The following RBFOX1 variants were observed in gnomAD, a reference collection of about 807,000 sequenced individuals.
The protein encoded by RBFOX1 is RNA binding fox-1 homolog 1.
Under a neutral mutation model 57.7 loss-of-function variants are expected in RBFOX1, and 8 were observed. The observed-to-expected ratio is 0.14, with a 90% confidence interval of 0.08 to 0.25. The LOEUF (loss-of-function observed/expected upper bound fraction) is 0.25. Among genes scored for constraint, RBFOX1 ranks in the 10% least tolerant of loss-of-function variants. The probability of loss-of-function intolerance (pLI) is 1.00; values close to 1 mark genes in which losing one functional copy is unlikely to be tolerated. For missense variants in RBFOX1, 611 were observed against 548.5 expected (o/e 1.11, Z -1.14); for synonymous variants, 326 against 222.4 (o/e 1.47, Z -4.15).
chr16:6,527,726 T>A (rs4786879), intron 2 of RBFOX1, among the ~76,000 whole-genome samples: 151,579 of 152,218 alleles, frequency 1, 75,473 homozygotes, highest in Middle Eastern at 1. Context: ...CCTGAAATCG[T>A]TGACCCTAAA....
chr16:7,630,475 C>G, intron 10 of RBFOX1, 128 bp from the exon 11 acceptor site: 3 of 1,526,058 alleles, frequency 2.0e-6, no homozygotes, highest in Non-Finnish European at 2.6e-6. Context: ...TGTTGGGTAC[C>G]CTTGTCCTGC....
chr16:6,512,648 G>A (rs954044453), intron 2 of RBFOX1, among the ~76,000 whole-genome samples: 2 of 152,156 alleles, frequency 1.3e-5, no homozygotes, highest in Non-Finnish European at 2.9e-5. Context: ...AAGAAAATGG[G>A]AATATCTGTG....
chr16:6,944,959 G>T lies in RBFOX1; in HGVS notation c.-15-107098G>T, dbSNP rs149876887. Among the ~76,000 whole-genome samples the T allele has an allele frequency of 5.2e-3, 795 of 152,246 alleles. 8 individuals carry two copies. The highest frequency in any genetic ancestry group is 0.018 in the African/African-American group (768 of 41,536). Reference sequence around the variant, plus strand: ...ACAGTCTGAAAAGTGGCTGACTGCTGTATGGAGTACTCTTTGCTCCTCCTG... The same window carrying T: ...ACAGTCTGAAAAGTGGCTGACTGCTTTATGGAGTACTCTTTGCTCCTCCTG... On this transcript the variant is annotated intron_variant, in intron 3 of 15. Transcript: ENST00000550418.
At chr16:7,257,605 C>T (rs554975570) in intron 4 of RBFOX1, among the ~76,000 whole-genome samples, 62 of 152,276 alleles carry the variant, frequency 4.1e-4, no homozygotes, top group African/African-American at 1.5e-3. Flanking sequence ...CTACCAAGAG[C>T]CCCTTCCCGA....
chr16:7,193,051 G>A (rs886271904), intron 4 of RBFOX1, among the ~76,000 whole-genome samples: 3 of 152,202 alleles, frequency 2.0e-5, no homozygotes, highest in Non-Finnish European at 4.4e-5. Flanking sequence ...TGGAACCTGT[G>A]AGCATGTTGG....
chr16:6,032,258 CT>C (rs1311271575), intron 1 of RBFOX1, among the ~76,000 whole-genome samples: 4 of 152,112 alleles, frequency 2.6e-5, no homozygotes, highest in Non-Finnish European at 2.9e-5. Flanking sequence ...TGTGGTCCCC[CT>C]GTGTCCTCAT....
chr16:6,254,208 C>T (rs2097646347), intron 1 of RBFOX1, among the ~76,000 whole-genome samples: 1 of 152,070 alleles, frequency 6.6e-6, no homozygotes, highest in Non-Finnish European at 1.5e-5. Context: ...TGGATATTGC[C>T]TGTCTGTATA....
intron 2 of RBFOX1, among the ~76,000 whole-genome samples, chr16:6,614,238 A>G (rs932559862): frequency 1.3e-5 from 2 of 152,196 alleles, no homozygotes; most frequent in African/African-American, 2.4e-5. Context: ...GCTGCAAGTA[A>G]GGATGTCTGA....
intron 4 of RBFOX1, among the ~76,000 whole-genome samples, chr16:7,178,286 G>C (rs1450304044): frequency 6.6e-6 from 1 of 152,174 alleles, no homozygotes; most frequent in Non-Finnish European, 1.5e-5. Flanking sequence ...GCAACACACA[G>C]CCTTCTTGAT....
At chr16:6,109,066 C>G (rs1047734073) in intron 1 of RBFOX1, among the ~76,000 whole-genome samples, 1 of 152,146 alleles carries the variant, frequency 6.6e-6, no homozygotes, top group African/African-American at 2.4e-5. Flanking sequence ...AGAAATAAAA[C>G]TTGATTTTCC....
At chr16:5,531,470 C>G (rs187795601) in intron 2 of RBFOX1, among the ~76,000 whole-genome samples, 122 of 152,258 alleles carry the variant, frequency 8.0e-4, no homozygotes, top group Admixed American at 2.2e-3. Flanking sequence ...TTTAAGTTCA[C>G]TCTTTATTTG....
intron 3 of RBFOX1, among the ~76,000 whole-genome samples, chr16:5,755,516 A>G (rs575954422): frequency 6.6e-6 from 1 of 152,216 alleles, no homozygotes; most frequent in African/African-American, 2.4e-5. Context: ...GCTGTGACTT[A>G]AAGGGCCTTG....
intron 4 of RBFOX1, among the ~76,000 whole-genome samples, chr16:7,333,526 G>A (rs1029982346): frequency 3.3e-5 from 5 of 152,170 alleles, no homozygotes; most frequent in Admixed American, 3.3e-4. Flanking sequence ...CCTCCACACG[G>A]ATTGTCTATT....
In RBFOX1 at chr16:6,266,668, C is replaced by T. The variant is rs373449172; in HGVS notation, c.-126-50327C>T. On this transcript the variant is annotated intron_variant, in intron 1 of 15. Coordinates refer to ENST00000550418, the MANE Select transcript of RBFOX1 (RefSeq NM_018723.4). ...GGCGAAGGTTGCAGTGAGCTGAGAT[C>T]GCGCCATTGCACTCCAGCCTGGGTG... Among the ~76,000 whole-genome samples the T allele has an allele frequency of 2.7e-4, 40 of 150,884 alleles. No homozygotes were observed. In the South Asian group the frequency reaches 8.0e-3, roughly 30 times the overall value.
rs182261515 is a variant in RBFOX1, at chr16:7,153,994, T to A, written c.27+101896T>A. On this transcript the variant is annotated intron_variant, in intron 4 of 15. Coordinates refer to ENST00000550418, the MANE Select transcript of RBFOX1 (RefSeq NM_018723.4). ...GCATTCTGTTGACATCTGTGTGGAT[T>A]TGATTCTCAATTTATCCATCATCAT... Among the ~76,000 whole-genome samples, 8 of 152,306 alleles carry A rather than the reference T, an allele frequency of 5.3e-5. No homozygotes were observed. In the East Asian group the frequency reaches 9.7e-4, roughly 18 times the overall value.
At chr16:7,698,265 C>G (rs910717494) in intron 14 of RBFOX1, among the ~76,000 whole-genome samples, 2 of 151,752 alleles carry the variant, frequency 1.3e-5, no homozygotes, top group African/African-American at 2.4e-5. Flanking sequence ...AGATATGCCC[C>G]TTCCACCATG....
chr16:5,249,537 C>T (rs567029771), intron 1 of RBFOX1, among the ~76,000 whole-genome samples: 6 of 152,238 alleles, frequency 3.9e-5, no homozygotes, highest in Non-Finnish European at 7.3e-5. Context: ...TGGGGGTAAG[C>T]CCCTGCCTTC....
intron 4 of RBFOX1, among the ~76,000 whole-genome samples, chr16:5,910,243 A>G (rs775713221): frequency 1.3e-5 from 2 of 152,176 alleles, no homozygotes; most frequent in Non-Finnish European, 1.5e-5. Flanking sequence ...AGACCTCTAT[A>G]TAGCCTGGTC....
At chr16:6,249,123 A>G (rs1229281239) in intron 1 of RBFOX1, among the ~76,000 whole-genome samples, 1 of 152,020 alleles carries the variant, frequency 6.6e-6, no homozygotes, top group Non-Finnish European at 1.5e-5. Context: ...CCACCAACCT[A>G]CTCAAGATCG....
Sources: allele counts gnomAD v4.1 joint callset (sites outside exome capture counted in the v4.1 genomes callset), GRCh38; gene constraint gnomAD v4.1.1; transcripts MANE v1.5; gene names NCBI Gene and HGNC (gene_info 2026-07-23, HGNC 2026-07-21).